Variants in SDK1 observed in about 807,000 individuals in gnomAD.
SDK1 encodes the protein protein sidekick-1.
Under a neutral mutation model 245.5 loss-of-function variants are expected in SDK1, and 157 were observed. The observed-to-expected ratio is 0.64, with a 90% CI of 0.56 to 0.73. SDK1 has a LOEUF of 0.73. SDK1 is among the 30% of genes least tolerant of loss of function. SDK1 has a pLI of 0.00. For synonymous variants in SDK1, 1,647 were observed against 1,278.5 expected (o/e 1.29, Z -6.15); for missense variants, 3,583 against 3,002.3 (o/e 1.19, Z -4.52).
chr7:3,303,108 A>G (rs941444199), intron 1 of SDK1, among the ~76,000 whole-genome samples: 2 of 152,156 alleles, frequency 1.3e-5, no homozygotes, highest in Non-Finnish European at 2.9e-5. Context: ...GTTTTACTAC[A>G]TGAAAACAAA....
chr7:4,190,433 G>C (rs1783128255), intron 35 of SDK1, among the ~76,000 whole-genome samples: 1 of 152,240 alleles, frequency 6.6e-6, no homozygotes, highest in Non-Finnish European at 1.5e-5. Context: ...CCGTTTCACA[G>C]ATGAGAGTGA....
intron 1 of SDK1, among the ~76,000 whole-genome samples, chr7:3,572,877 T>A (rs1780159883): frequency 6.6e-6 from 1 of 152,056 alleles, no homozygotes; most frequent in Non-Finnish European, 1.5e-5. Flanking sequence ...AGGAAGAGAT[T>A]CCTGGAAGAA....
intron 4 of SDK1, among the ~76,000 whole-genome samples, chr7:3,700,369 T>C (rs1326822516): frequency 6.6e-6 from 1 of 152,194 alleles, no homozygotes; most frequent in Non-Finnish European, 1.5e-5. Flanking sequence ...AAGTATAACA[T>C]TGTCAAATGT....
intron 12 of SDK1, 28 bp from the exon 13 acceptor site, chr7:3,974,341 A>C (rs762133826): frequency 1.1e-5 from 17 of 1,592,206 alleles, no homozygotes; most frequent in Middle Eastern, 1.7e-4. Context: ...TGGGGTTTGT[A>C]ACTCAAGACC....
chr7:3,507,827 T>A (rs1346350250), intron 1 of SDK1, among the ~76,000 whole-genome samples: 1 of 152,188 alleles, frequency 6.6e-6, no homozygotes, highest in Non-Finnish European at 1.5e-5. Context: ...GGACCTGCCC[T>A]TATCTAATTC....
chr7:3,371,190 A>G (rs1410657601), intron 1 of SDK1, among the ~76,000 whole-genome samples: 1 of 152,168 alleles, frequency 6.6e-6, no homozygotes, highest in Non-Finnish European at 1.5e-5. Flanking sequence ...TCAGAGGAGA[A>G]CACATCTCAT....
At chr7:3,749,648 C>G (rs1327926261) in intron 4 of SDK1, among the ~76,000 whole-genome samples, 3 of 152,170 alleles carry the variant, frequency 2.0e-5, no homozygotes, top group East Asian at 1.9e-4. Context: ...AGTTCTGATA[C>G]AAGGATAGAA....
chr7:3,429,027 T>G (rs1213163927), intron 1 of SDK1, among the ~76,000 whole-genome samples: 1 of 152,170 alleles, frequency 6.6e-6, no homozygotes, highest in African/African-American at 2.4e-5. Context: ...AGTTAAATAG[T>G]GTCTGCTCAA....
chr7:3,633,606 C>CT (rs1476734879), intron 2 of SDK1, among the ~76,000 whole-genome samples: 4 of 151,884 alleles, frequency 2.6e-5, no homozygotes, highest in Admixed American at 6.6e-5. Context: ...TTTATTTTTT[C>CT]TTTTTTCATA....
At chr7:3,576,866 A>G (rs1780310061) in intron 1 of SDK1, among the ~76,000 whole-genome samples, 2 of 152,146 alleles carry the variant, frequency 1.3e-5, no homozygotes, top group South Asian at 4.1e-4. Context: ...GTTGGTTACT[A>G]TTTGCCGGGA....
Position 3,987,292 on chromosome 7 carries a change from C to G in SDK1, c.2101C>G (p.Leu701Val), listed in dbSNP as rs1488935178. 3 of 1,614,052 alleles carry G rather than the reference C, an allele frequency of 1.9e-6. No homozygotes were observed. The highest frequency in any genetic ancestry group is 2.2e-5 in the East Asian group (1 of 44,882). ...GCCCTTTGATGGAAACAGTCCTATT[C>G]TTTATTACATCGTGGAGCTCTCTGA... ...VRPFDGNSPILYYIVELSENN... is the reference protein window; with the variant it reads ...VRPFDGNSPIVYYIVELSENN... The change falls in exon 14 of 45, where the codon CTT (leucine) becomes GTT (valine). Residue 701 changes from leucine (L) to valine (V), a missense_variant. Physicochemically the swap from Leu to Val is conservative, Grantham distance 32. Coordinates refer to ENST00000404826, the MANE Select transcript of SDK1 (RefSeq NM_152744.4).
intron 42 of SDK1, 134 bp downstream of exon 42, chr7:4,237,918 A>G: frequency 9.1e-7 from 1 of 1,097,750 alleles, no homozygotes; most frequent in East Asian, 2.6e-5. Context: ...AGAGAAATGC[A>G]ATAGGTTTTC....
rs544504107 is a variant in SDK1, at chr7:4,268,324, G to A, written c.*2940G>A. 3.8e-5 allele frequency: 39 copies of A among 1,033,302 alleles called. No individual in the cohort carries two copies. The South Asian group carries it at 1.1e-3, about 30-fold the overall frequency. The allele number at this position is 1,033,302 out of a possible 1,614,324, so 64.0% of individuals were successfully genotyped here. On this transcript the variant is annotated 3_prime_UTR_variant, in exon 45 of 45. Transcript: ENST00000404826. ...GGTGCCAGGGCAGAGATTCCAGGCAGGTGAGCCCAGAGAGAGCTGCCAGGC... is the reference window on the plus strand; with the variant it reads ...GGTGCCAGGGCAGAGATTCCAGGCAAGTGAGCCCAGAGAGAGCTGCCAGGC...
chr7:3,883,129 A>G (rs1373380671), intron 5 of SDK1, among the ~76,000 whole-genome samples: 1 of 152,138 alleles, frequency 6.6e-6, no homozygotes, highest in African/African-American at 2.4e-5. Flanking sequence ...AGGTGCCTAG[A>G]GGTCTTCTGA....
intron 1 of SDK1, among the ~76,000 whole-genome samples, chr7:3,342,981 GA>G (rs1780387715): frequency 7.6e-6 from 1 of 131,270 alleles, no homozygotes; most frequent in South Asian, 2.5e-4. Flanking sequence ...GCCATAGGGA[GA>G]AAACTTCTGC....
chr7:4,044,272 G>A (rs1788854054), intron 17 of SDK1, among the ~76,000 whole-genome samples: 1 of 152,050 alleles, frequency 6.6e-6, no homozygotes, highest in Non-Finnish European at 1.5e-5. Context: ...GCAGCCTCAG[G>A]ATCCCCACAC....
intron 4 of SDK1, among the ~76,000 whole-genome samples, chr7:3,769,797 A>T (rs1368291122): frequency 6.6e-6 from 1 of 151,980 alleles, no homozygotes; most frequent in East Asian, 2.0e-4. Flanking sequence ...GAGGGAAGGA[A>T]GGTAACGTTC....
intron 11 of SDK1, among the ~76,000 whole-genome samples, chr7:3,970,266 T>C (rs893229658): frequency 3.3e-5 from 5 of 152,220 alleles, no homozygotes; most frequent in Admixed American, 2.6e-4. Context: ...AAGTAAATCA[T>C]TGTGCTTCAT....
intron 10 of SDK1, among the ~76,000 whole-genome samples, chr7:3,968,868 A>G (rs934633967): frequency 2.0e-5 from 3 of 152,210 alleles, no homozygotes; most frequent in Admixed American, 6.5e-5. Flanking sequence ...AGACTGGGCA[A>G]TTTACAAAGA....
Sources: gnomAD v4.1 joint callset for allele counts (sites outside exome capture counted in the v4.1 genomes callset) on GRCh38, gnomAD v4.1.1 for gene constraint, MANE v1.5 for transcripts, NCBI Gene and HGNC (gene_info 2026-07-23, HGNC 2026-07-21) for gene names.